Variants in CDH13 observed in about 807,000 individuals in gnomAD.
CDH13 encodes cadherin 13.
A neutral mutation model predicts 63.8 loss-of-function variants in CDH13; 24 were observed. The observed-to-expected ratio is 0.38, with a 90% CI of 0.27 to 0.53. CDH13 has a LOEUF of 0.53. Among genes scored for constraint, CDH13 ranks in the 20% least tolerant of loss-of-function variants. The pLI is 0.85. For missense variants in CDH13, 1,049 were observed against 903.1 expected (o/e 1.16, Z -2.07); for synonymous variants, 503 against 355.3 (o/e 1.42, Z -4.67).
At chr16:83,624,850 C>G (rs1336220527) in intron 8 of CDH13, among the ~76,000 whole-genome samples, 1 of 152,174 alleles carries the variant, frequency 6.6e-6, no homozygotes, top group East Asian at 1.9e-4. Context: ...CATTTCCCAT[C>G]TACTCCAGAT....
chr16:83,289,905 A>G (rs2089423061), intron 5 of CDH13, among the ~76,000 whole-genome samples: 1 of 152,198 alleles, frequency 6.6e-6, no homozygotes, highest in Non-Finnish European at 1.5e-5. Flanking sequence ...ATTTTAACCA[A>G]GTGATCCCAC....
At chr16:82,674,496 C>A (rs1913666774) in intron 1 of CDH13, among the ~76,000 whole-genome samples, 1 of 152,148 alleles carries the variant, frequency 6.6e-6, no homozygotes, top group African/African-American at 2.4e-5. Context: ...AACTGAAATC[C>A]TCAGTTAACC....
intron 2 of CDH13, among the ~76,000 whole-genome samples, chr16:82,999,968 G>T (rs930231495): frequency 3.9e-5 from 6 of 152,110 alleles, no homozygotes; most frequent in African/African-American, 1.4e-4. Flanking sequence ...CTGGCATCTT[G>T]TGGGTAGAAT....
chr16:83,124,905 G>A (rs1416962210), intron 3 of CDH13, among the ~76,000 whole-genome samples: 2 of 152,166 alleles, frequency 1.3e-5, no homozygotes, highest in East Asian at 1.9e-4. Flanking sequence ...GTACCATCCT[G>A]TTTTGGTTAC....
chr16:83,203,097 G>A (rs1261144961), intron 4 of CDH13, among the ~76,000 whole-genome samples: 6 of 152,142 alleles, frequency 3.9e-5, no homozygotes, highest in African/African-American at 1.2e-4. Context: ...AGTGGTGCAC[G>A]CCTGTAATCT....
chr16:83,129,174 A>G (rs1200169796), intron 4 of CDH13, among the ~76,000 whole-genome samples: 1 of 152,186 alleles, frequency 6.6e-6, no homozygotes, highest in Non-Finnish European at 1.5e-5. Context: ...CTGGGGAGGC[A>G]GGGAGAAGGG....
chr16:83,305,055 T>G (rs567809190), intron 5 of CDH13, among the ~76,000 whole-genome samples: 17 of 152,294 alleles, frequency 1.1e-4, no homozygotes, highest in African/African-American at 4.1e-4. Context: ...TAAAACAGAA[T>G]GCTCTCAATG....
At chr16:82,680,349 C>T (rs768469821) in intron 1 of CDH13, among the ~76,000 whole-genome samples, 6 of 152,202 alleles carry the variant, frequency 3.9e-5, no homozygotes, top group Non-Finnish European at 8.8e-5. Context: ...ACATTCTACA[C>T]ATCATGAAAC....
At chr16:83,410,343 C>A (rs1227060174) in intron 6 of CDH13, among the ~76,000 whole-genome samples, 1 of 152,264 alleles carries the variant, frequency 6.6e-6, no homozygotes, top group East Asian at 1.9e-4. Flanking sequence ...TACTTTATAA[C>A]CTTTTTATCT....
At chr16:83,568,366 G>A (rs1222795383) in intron 7 of CDH13, among the ~76,000 whole-genome samples, 1 of 152,086 alleles carries the variant, frequency 6.6e-6, no homozygotes, top group Non-Finnish European at 1.5e-5. Context: ...TGAAATTCTG[G>A]TCCTTCTTCT....
intron 4 of CDH13, among the ~76,000 whole-genome samples, chr16:83,181,660 G>C (rs771084940): frequency 6.6e-5 from 10 of 152,174 alleles, no homozygotes; most frequent in Admixed American, 4.6e-4. Flanking sequence ...GAGAAGAGGG[G>C]ATGACTTGGA....
chr16:83,085,956 A>C (rs1244765978), intron 3 of CDH13, among the ~76,000 whole-genome samples: 1 of 152,232 alleles, frequency 6.6e-6, no homozygotes, highest in African/African-American at 2.4e-5. Context: ...TGTTAGTGCC[A>C]GCTCACATCC....
intron 8 of CDH13, among the ~76,000 whole-genome samples, chr16:83,613,760 G>A (rs1042236732): frequency 1.1e-4 from 16 of 152,248 alleles, no homozygotes; most frequent in African/African-American, 3.9e-4. Flanking sequence ...TTGAACCCCA[G>A]AGTTGGAGGT....
intron 7 of CDH13, among the ~76,000 whole-genome samples, chr16:83,568,032 C>A (rs1017049645): frequency 6.6e-6 from 1 of 152,306 alleles, no homozygotes; most frequent in East Asian, 1.9e-4. Flanking sequence ...CACCTCCAAA[C>A]CCAGCTCACA....
At chr16:82,805,908 C>T (rs1174026946) in intron 1 of CDH13, among the ~76,000 whole-genome samples, 1 of 152,192 alleles carries the variant, frequency 6.6e-6, no homozygotes. Flanking sequence ...ATGGTACGCA[C>T]ATTTCTGTTT....
intron 1 of CDH13, among the ~76,000 whole-genome samples, chr16:82,645,229 C>T (rs181641548): frequency 2.0e-4 from 30 of 152,280 alleles, no homozygotes; most frequent in Admixed American, 1.9e-3. Flanking sequence ...AAATCCTGTC[C>T]TCTGGACCTA....
chr16:83,358,930 A>G (rs1290632821), intron 6 of CDH13, among the ~76,000 whole-genome samples: 1 of 152,188 alleles, frequency 6.6e-6, no homozygotes, highest in Non-Finnish European at 1.5e-5. Context: ...ATTTCAGATC[A>G]CAGTCTAGTA....
chr16:83,647,412 G>A (rs1911934521), intron 8 of CDH13, among the ~76,000 whole-genome samples: 1 of 151,928 alleles, frequency 6.6e-6, no homozygotes, highest in South Asian at 2.1e-4. Flanking sequence ...TTACCTTTCT[G>A]TTTTGTTTGT....
intron 2 of CDH13, among the ~76,000 whole-genome samples, chr16:82,967,326 C>G (rs960445980): frequency 1.3e-5 from 2 of 152,034 alleles, no homozygotes; most frequent in African/African-American, 4.8e-5. Flanking sequence ...CTTTATAGCT[C>G]TAATCACAAC....
Sources: allele counts gnomAD v4.1 joint callset (sites outside exome capture counted in the v4.1 genomes callset), GRCh38; gene constraint gnomAD v4.1.1; transcripts MANE v1.5; gene names NCBI Gene and HGNC (gene_info 2026-07-23, HGNC 2026-07-21).